The following MPP3 variants were observed in gnomAD, a reference collection of about 807,000 sequenced individuals.
MPP3 encodes MAGUK p55 subfamily member 3.
MPP3 carries 48 observed loss-of-function variants against 80.7 expected under a neutral mutation model. The observed-to-expected ratio is 0.59, with a 90% CI of 0.47 to 0.76. The LOEUF is 0.76. MPP3 is among the 30% of genes least tolerant of loss of function. The probability of loss-of-function intolerance (pLI) is 0.00; values close to 1 mark genes in which losing one functional copy is unlikely to be tolerated. For missense variants in MPP3, 620 were observed against 763.0 expected, an observed-to-expected ratio of 0.81 and a Z score of 2.21; for synonymous variants, 311 against 297.6, an observed-to-expected ratio of 1.04 and a Z score of -0.46.
chr17:43,830,263 C>T (rs2045903475), intron 5 of MPP3, among the ~76,000 whole-genome samples, 156 bp from the exon 6 acceptor site: 1 of 152,194 alleles, frequency 6.6e-6, no homozygotes, highest in South Asian at 2.1e-4. Flanking sequence ...GAACATCACA[C>T]CAGGGGTCAG....
intron 10 of MPP3, among the ~76,000 whole-genome samples, 163 bp downstream of exon 10, chr17:43,823,768 T>A (rs536793347): frequency 6.6e-6 from 1 of 152,182 alleles, no homozygotes; most frequent in Non-Finnish European, 1.5e-5. Flanking sequence ...ATGCATCACT[T>A]TGTGACGGAA....
chr17:43,814,192 C>G lies in MPP3; in HGVS notation c.1174+5G>C. The G allele has an allele frequency of 6.2e-7, 1 of 1,612,666 alleles. No homozygotes were observed. The highest frequency in any genetic ancestry group is 8.5e-7 in the Non-Finnish European group (1 of 1,179,386). On this transcript the variant is annotated splice_donor_5th_base_variant and intron_variant, in intron 15 of 19. Coordinates refer to ENST00000398389, the MANE Select transcript of MPP3 (RefSeq NM_001932.6). Reference sequence around the variant, plus strand: ...CACTTCCTGGAAACCCAGGATGGCACCTACCGATCAGAACCACCAGGCGGG... The same window carrying G: ...CACTTCCTGGAAACCCAGGATGGCAGCTACCGATCAGAACCACCAGGCGGG...
intron 16 of MPP3, chr17:43,811,578 T>G (rs560420471): frequency 1.5e-4 from 25 of 167,540 alleles, no homozygotes; most frequent in Non-Finnish European, 1.8e-4. Flanking sequence ...GATGCTGTGT[T>G]TTTTTTTTGT....
intron 13 of MPP3, 106 bp from the exon 14 acceptor site, chr17:43,816,185 T>A (rs1012256230): frequency 1.0e-6 from 1 of 969,304 alleles, no homozygotes; most frequent in Non-Finnish European, 1.5e-6. Flanking sequence ...CCTGGGATGG[T>A]GTCTCGTGGG....
At chr17:43,804,878 G>T (rs545475338) in intron 19 of MPP3, among the ~76,000 whole-genome samples, 1 of 152,162 alleles carries the variant, frequency 6.6e-6, no homozygotes, top group Non-Finnish European at 1.5e-5. Context: ...AATTAGCCGA[G>T]CATGATGGCA....
intron 9 of MPP3, 69 bp downstream of exon 9, chr17:43,825,687 G>A: frequency 1.9e-6 from 2 of 1,075,798 alleles, no homozygotes; most frequent in African/African-American, 1.5e-5. Flanking sequence ...ATCTGTCCTG[G>A]CTCCAGGAAG....
intron 2 of MPP3, 46 bp downstream of exon 2, chr17:43,832,715 T>A (rs1598377672): frequency 6.6e-6 from 1 of 152,502 alleles, no homozygotes; most frequent in Admixed American, 6.5e-5. Flanking sequence ...CCCCGGGCCC[T>A]CCAGCCTCCG....
In MPP3 at chr17:43,829,775, T is replaced by C. The variant is rs1472819200; in HGVS notation, c.320A>G (p.His107Arg). 1.2e-6 allele frequency: 2 copies of C among 1,613,768 alleles called. No homozygotes were observed. The highest frequency in any genetic ancestry group is 1.7e-6 in the Non-Finnish European group (2 of 1,179,986). The change falls in exon 7 of 20, where the codon CAT becomes CGT. Residue 107 changes from histidine to arginine, a missense_variant. By Grantham distance (29) the His-to-Arg change is conservative (BLOSUM62 0). Coordinates refer to ENST00000398389, the MANE Select transcript of MPP3 (RefSeq NM_001932.6). ...TPHLRAVLMV[H>R]DTVAQKNFDP... The stretch of plus-strand genomic sequence containing the variant: ...AAAATTCTTCTGGGCAACCGTGTCA[T>C]GTACCATGAGCACAGCCTGCCGGGA...
Position 43,818,048 on chromosome 17 carries a change from G to T in MPP3, c.944C>A (p.Pro315His). ...LPSPQSLRKP[P>H]YDQPCDKETC... is the part of the protein sequence containing the mutation. The stretch of plus-strand genomic sequence containing the variant: ...GCCATCCCTGACAATCTACTCACAG[G>T]GGGGCTTCCTGAGGCTCTGGGGGCT... Residue 315 changes from proline to histidine, a missense_variant and splice_region_variant, in exon 12 of 20, where the codon CCC becomes CAC. Coordinates refer to ENST00000398389, the MANE Select transcript of MPP3 (RefSeq NM_001932.6). 1 of 1,583,206 alleles carries T rather than the reference G, an allele frequency of 6.3e-7. No homozygotes were observed. Among genetic ancestry groups the T allele is most frequent in the Non-Finnish European group, 8.6e-7 (1 of 1,164,400 alleles).
intron 4 of MPP3, 51 bp downstream of exon 4, chr17:43,831,508 G>T: frequency 1.4e-6 from 2 of 1,452,264 alleles, no homozygotes; most frequent in Non-Finnish European, 1.9e-6. Flanking sequence ...GCCACAGACA[G>T]CTAGAAAGAC....
intron 18 of MPP3, among the ~76,000 whole-genome samples, chr17:43,809,617 C>T (rs184652107): frequency 6.6e-6 from 1 of 152,144 alleles, no homozygotes; most frequent in Non-Finnish European, 1.5e-5. Context: ...CGGTGGCTCA[C>T]ACCTGTAATC....
chr17:43,825,803 C>T lies in MPP3; in HGVS notation c.562G>A (p.Gly188Arg), dbSNP rs762747928. 10 of 1,613,474 alleles carry T rather than the reference C, an allele frequency of 6.2e-6. No homozygotes were observed. The highest frequency in any genetic ancestry group is 2.2e-5 in the East Asian group (1 of 44,870). Residue 188 changes from glycine to arginine, a missense_variant, in exon 9 of 20, where the codon GGG (glycine) becomes AGG (arginine). Transcript: ENST00000398389. ...GGCCGCTTGTGCAGGACTGCGATCCCGTTCACTTCTCGGAGCTCATCTCCA... is the reference window on the plus strand; with the variant it reads ...GGCCGCTTGTGCAGGACTGCGATCCTGTTCACTTCTCGGAGCTCATCTCCA... ...HVGDELREVN[G>R]IAVLHKRPDE...
rs910286203 is a variant in MPP3 at position 43,831,543 on chromosome 17, T to G, written c.144+16A>C. On this transcript the variant is annotated intron_variant, in intron 4 of 19. Transcript: ENST00000398389. ...CCTCTAGACACCCTTCCACGCAGGA[T>G]GACGTGGGACTTCACCTTCATTAAG... The G allele has an allele frequency of 6.4e-7, 1 of 1,566,938 alleles. No individual in the cohort carries two copies.
At chr17:43,816,956 T>C (rs2045174362) in intron 12 of MPP3, among the ~76,000 whole-genome samples, 1 of 152,206 alleles carries the variant, frequency 6.6e-6, no homozygotes, top group Non-Finnish European at 1.5e-5. Context: ...GCCACTGCCC[T>C]TCTAACCTGA....
chr17:43,829,559 T>C, intron 7 of MPP3, 95 bp downstream of exon 7: 1 of 1,464,844 alleles, frequency 6.8e-7, no homozygotes, highest in Admixed American at 1.9e-5. Context: ...CGTCACTCAC[T>C]CTGAAGACTT....
chr17:43,820,936 C>G lies in MPP3; in HGVS notation c.807G>C (p.Thr269=). 1 of 1,614,068 alleles carries G rather than the reference C, an allele frequency of 6.2e-7. No homozygotes were observed. The highest frequency in any genetic ancestry group is 1.3e-5 in the African/African-American group (1 of 75,064). The part of the protein sequence containing the change: ...VLEVVSQDDP[T]WWQAKRVGDT... ...CCCCGACTCGCTTGGCCTGCCACCA[C>G]GTGGGGTCGTCCTGGCTCACCACCT... Residue 269 remains threonine (T), a synonymous_variant, in exon 11 of 20, where the codon ACG becomes ACC. Transcript: ENST00000398389.
chr17:43,831,296 T>TGCG lies in MPP3; in HGVS notation c.169_170insCGC (p.Glu57delinsAlaGln). On this transcript the variant is annotated protein_altering_variant, in exon 5 of 20. Transcript: ENST00000398389. ...CAGAACTGGGGTTGGACTTTGCCTT[T>TGCG]CATAATAGCGAAGCTTCTCATGAAT... is the stretch of plus-strand genomic sequence containing the variant. 6.2e-7 allele frequency: 1 copy of TGCG among 1,614,066 alleles called. No individual in the cohort carries two copies.
chr17:43,814,425 G>C, intron 14 of MPP3, 64 bp from the exon 15 acceptor site: 1 of 1,514,818 alleles, frequency 6.6e-7, no homozygotes, highest in Non-Finnish European at 8.8e-7. Context: ...TCTCCCAGTA[G>C]AGACTTTTCC....
intron 8 of MPP3, among the ~76,000 whole-genome samples, 169 bp from the exon 9 acceptor site, chr17:43,826,010 C>T (rs945975223): frequency 2.6e-5 from 4 of 152,230 alleles, no homozygotes; most frequent in Non-Finnish European, 2.9e-5. Context: ...AAGTGCTGGG[C>T]ACCTCACTCG....
Sources: allele counts gnomAD v4.1 joint callset (sites outside exome capture counted in the v4.1 genomes callset), GRCh38; gene constraint gnomAD v4.1.1; transcripts MANE v1.5; gene names NCBI Gene and HGNC (gene_info 2026-07-23, HGNC 2026-07-21).